KIF13B: variants seen among roughly 807,000 people sequenced by gnomAD.
KIF13B encodes the protein kinesin family member 13B.
In KIF13B, 127 loss-of-function variants were observed where a neutral mutation model predicts 222.0. That is an observed-to-expected ratio of 0.57 (90% confidence interval 0.50 to 0.66). The LOEUF (loss-of-function observed/expected upper bound fraction) is 0.66. KIF13B is among the 30% of genes least tolerant of loss of function. KIF13B has a pLI of 0.00. For missense variants in KIF13B, 2,173 were observed against 2,379.0 expected, an observed-to-expected ratio of 0.91 and a Z score of 1.80; for synonymous variants, 976 against 919.0, an observed-to-expected ratio of 1.06 and a Z score of -1.12.
chr8:29,235,696 A>C (rs1815477147), intron 2 of KIF13B, among the ~76,000 whole-genome samples: 1 of 152,220 alleles, frequency 6.6e-6, no homozygotes, highest in Non-Finnish European at 1.5e-5. Context: ...ATAAACATAT[A>C]AAAGATGCCA....
chr8:29,219,746 AAAATAAATAAAT>A lies in KIF13B; in HGVS notation c.150-23559_150-23548del, dbSNP rs372012234. 5.7e-4 allele frequency among the ~76,000 whole-genome samples: 84 copies of A among 146,668 alleles called. 1 individual carries two copies. Among genetic ancestry groups the A allele is most frequent in the Non-Finnish European group, 5.4e-4 (36 of 66,678 alleles). ...CCAGCCTGGGTGACACCCTGTTTCCAAAATAAATAAATAAATAAATAAATAAATAAATAAGGC... is the reference window on the plus strand; with the variant it reads ...CCAGCCTGGGTGACACCCTGTTTCCAAAATAAATAAATAAATAAATAAGGC... On this transcript the variant is annotated intron_variant, in intron 2 of 39. Coordinates refer to ENST00000524189, the MANE Select transcript of KIF13B (RefSeq NM_015254.4).
chr8:29,239,204 C>G (rs1166557170), intron 2 of KIF13B, among the ~76,000 whole-genome samples: 1 of 152,164 alleles, frequency 6.6e-6, no homozygotes, highest in African/African-American at 2.4e-5. Context: ...CACACTTGAC[C>G]AAGGAACTGA....
intron 21 of KIF13B, among the ~76,000 whole-genome samples, chr8:29,135,963 G>GGT (rs1810535895): frequency 2.5e-5 from 1 of 39,652 alleles, no homozygotes; most frequent in Non-Finnish European, 6.8e-5. Flanking sequence ...ACACAAACCA[G>GGT]ATATTTTCTT....
chr8:29,079,312 A>G (rs1409454428), intron 37 of KIF13B, among the ~76,000 whole-genome samples: 1 of 152,028 alleles, frequency 6.6e-6, no homozygotes, highest in Non-Finnish European at 1.5e-5. Context: ...AACTGCAGGG[A>G]GCAGCGCCCA....
intron 35 of KIF13B, among the ~76,000 whole-genome samples, chr8:29,104,696 C>A (rs1169448826): frequency 6.6e-6 from 1 of 151,968 alleles, no homozygotes; most frequent in Non-Finnish European, 1.5e-5. Flanking sequence ...AAAAATAAGG[C>A]CCCGCCTCTC....
chr8:29,187,207 T>A (rs1022657019), intron 5 of KIF13B, among the ~76,000 whole-genome samples: 2 of 152,160 alleles, frequency 1.3e-5, no homozygotes, highest in African/African-American at 4.8e-5. Flanking sequence ...GTGTGGAAAC[T>A]AAAGAATAAT....
rs546180527 is a variant in KIF13B, at chr8:29,096,841, C to A, written c.4324+2292G>T. On this transcript the variant is annotated intron_variant, in intron 36 of 39. Coordinates refer to ENST00000524189, the MANE Select transcript of KIF13B (RefSeq NM_015254.4). The stretch of plus-strand genomic sequence containing the variant: ...AAACAAATACAGGTGTCCAAAAAAG[C>A]AAAAAGAGGAAATAAAATGAGATAC... 1.6e-4 allele frequency among the ~76,000 whole-genome samples: 25 copies of A among 151,520 alleles called. No homozygotes were observed. The East Asian group carries it at 4.6e-3, about 28-fold the overall frequency.
At chr8:29,258,479 C>T (rs1816566703) in intron 1 of KIF13B, among the ~76,000 whole-genome samples, 1 of 152,186 alleles carries the variant, frequency 6.6e-6, no homozygotes, top group South Asian at 2.1e-4. Flanking sequence ...GGACCAGCCA[C>T]CCTAGGTCCG....
chr8:29,212,957 T>C (rs1563793885), intron 2 of KIF13B, among the ~76,000 whole-genome samples: 1 of 151,838 alleles, frequency 6.6e-6, no homozygotes, highest in Non-Finnish European at 1.5e-5. Context: ...CCCAAGCAGC[T>C]AACAGTCTAG....
chr8:29,116,303 A>G (rs955275987), intron 31 of KIF13B, among the ~76,000 whole-genome samples: 2 of 152,242 alleles, frequency 1.3e-5, no homozygotes, highest in African/African-American at 4.8e-5. Context: ...CCCCGTCTCC[A>G]TAAGGAATAC....
intron 2 of KIF13B, among the ~76,000 whole-genome samples, chr8:29,224,007 C>A (rs1458901553): frequency 1.5e-5 from 2 of 137,462 alleles, no homozygotes; most frequent in East Asian, 4.5e-4. Flanking sequence ...TTTTTTTTTT[C>A]TTTTTTTTTG....
chr8:29,221,766 T>A (rs1173602194), intron 2 of KIF13B, among the ~76,000 whole-genome samples: 1 of 152,216 alleles, frequency 6.6e-6, no homozygotes, highest in Admixed American at 6.5e-5. Flanking sequence ...GTTTGAATAG[T>A]TGCAAAGGAT....
At chr8:29,107,281 A>G (rs1366256506) in intron 35 of KIF13B, among the ~76,000 whole-genome samples, 4 of 152,066 alleles carry the variant, frequency 2.6e-5, no homozygotes, top group Non-Finnish European at 5.9e-5. Context: ...TAATCCCAGC[A>G]CTTTGGGAGG....
chr8:29,127,919 T>C (rs1204263500), intron 24 of KIF13B, among the ~76,000 whole-genome samples: 1 of 151,948 alleles, frequency 6.6e-6, no homozygotes, highest in Non-Finnish European at 1.5e-5. Context: ...ACAATAACCT[T>C]AAACTGTGAA....
intron 34 of KIF13B, among the ~76,000 whole-genome samples, chr8:29,108,460 T>A (rs1394641555): frequency 6.6e-6 from 1 of 152,216 alleles, no homozygotes; most frequent in Non-Finnish European, 1.5e-5. Flanking sequence ...GAACAAGAGA[T>A]GTCGCGTTGG....
rs995720335 is a variant in KIF13B at position 29,108,283 on chromosome 8, G to T, written c.4162-91C>A. On this transcript the variant is annotated intron_variant, in intron 34 of 39. Coordinates refer to ENST00000524189, the MANE Select transcript of KIF13B (RefSeq NM_015254.4). ...CCAGTCTTTGCCAACCCAGTCAACC[G>T]AACGTCAAAGTTGGGTGGCAGCAGA... 7 of 1,216,494 alleles carry T rather than the reference G, an allele frequency of 5.8e-6. No individual in the cohort carries two copies. In the East Asian group the frequency reaches 1.8e-4, roughly 30 times the overall value. The allele number at this position is 1,216,494 out of a possible 1,614,324, so 75.4% of individuals were successfully genotyped here. A position where few individuals can be genotyped will look rare whatever the true frequency, so the allele number is the denominator to read the frequency against.
chr8:29,186,026 T>A (rs181085093), intron 6 of KIF13B, among the ~76,000 whole-genome samples: 50 of 152,290 alleles, frequency 3.3e-4, no homozygotes, highest in Non-Finnish European at 2.2e-4. Context: ...AGGTTTCATC[T>A]CTCTGATTAT....
At position 29,132,420 on chromosome 8, in the gene KIF13B, C is replaced by A. The variant is rs764266402; in HGVS notation, c.2830G>T (p.Glu944Ter). 3 of 1,579,778 alleles carry A rather than the reference C, an allele frequency of 1.9e-6. No homozygotes were observed. Among genetic ancestry groups the A allele is most frequent in the Admixed American group, 3.5e-5 (2 of 56,840 alleles). ...TATACTTCAATTGCCAATGCTCCTT[C>A]GGAAAGATGCTCGATAAAGTCTTCG... ...ITEDFIEHLS[E>*]GALAIEVYGH... The change falls in exon 23 of 40, where the codon GAA becomes TAA. Residue 944 changes from glutamate to a stop codon, truncating the protein, a stop_gained. Coordinates refer to ENST00000524189, the MANE Select transcript of KIF13B (RefSeq NM_015254.4). LOFTEE classifies it high-confidence loss of function.
chr8:29,213,939 G>T lies in KIF13B; in HGVS notation c.150-17740C>A, dbSNP rs569427558. Among the ~76,000 whole-genome samples the T allele has an allele frequency of 5.7e-4, 86 of 152,196 alleles. 1 individual carries two copies. The highest frequency in any genetic ancestry group is 5.9e-5 in the Non-Finnish European group (4 of 68,026). On this transcript the variant is annotated intron_variant, in intron 2 of 39. Coordinates refer to ENST00000524189, the MANE Select transcript of KIF13B (RefSeq NM_015254.4). The stretch of plus-strand genomic sequence containing the variant: ...ACAGCACTCCAGTCTGGGAGACAGA[G>T]CAAGACTCCATCTCAAAAAAATAAA...
Sources: allele counts gnomAD v4.1 joint callset (sites outside exome capture counted in the v4.1 genomes callset), GRCh38; gene constraint gnomAD v4.1.1; transcripts MANE v1.5; gene names NCBI Gene and HGNC (gene_info 2026-07-23, HGNC 2026-07-21).